The following THADA variants were observed in gnomAD, a reference collection of about 807,000 sequenced individuals.
The protein encoded by THADA is THADA armadillo repeat containing, also known as tRNA (32-2'-O)-methyltransferase regulator THADA.
A neutral mutation model predicts 219.8 loss-of-function variants in THADA; 213 were observed. The observed-to-expected ratio is 0.97, with a 90% CI of 0.87 to 1.09. The LOEUF (loss-of-function observed/expected upper bound fraction) is 1.09. THADA is among the 50% of genes least tolerant of loss of function. THADA has a pLI of 0.00. For missense variants in THADA, 2,956 were observed against 2,311.3 expected (o/e 1.28, Z -5.72); for synonymous variants, 1,018 against 828.9 (o/e 1.23, Z -3.92).
chr2:43,506,755 G>A (rs966880227), intron 23 of THADA, among the ~76,000 whole-genome samples: 4 of 152,134 alleles, frequency 2.6e-5, no homozygotes, highest in African/African-American at 9.7e-5. Flanking sequence ...GTTAAAAAAT[G>A]TCACTTTAGT....
At chr2:43,386,666 G>C (rs1340897161) in intron 29 of THADA, among the ~76,000 whole-genome samples, 4 of 152,114 alleles carry the variant, frequency 2.6e-5, no homozygotes, top group Non-Finnish European at 5.9e-5. Flanking sequence ...GGCTGAGACG[G>C]GTAGATTACC....
chr2:43,480,446 A>G (rs1005145363), intron 26 of THADA, among the ~76,000 whole-genome samples: 1 of 152,178 alleles, frequency 6.6e-6, no homozygotes, highest in African/African-American at 2.4e-5. Flanking sequence ...CCCAGTAACT[A>G]GCAGAGGGCC....
chr2:43,466,910 C>T (rs1012036892), intron 26 of THADA, among the ~76,000 whole-genome samples: 3 of 149,806 alleles, frequency 2.0e-5, no homozygotes, highest in African/African-American at 7.4e-5. Flanking sequence ...GGGCCGGGCA[C>T]GGTGGCTCAC....
chr2:43,448,607 T>C (rs1681896416), intron 26 of THADA, among the ~76,000 whole-genome samples: 1 of 150,478 alleles, frequency 6.6e-6, no homozygotes, highest in African/African-American at 2.4e-5. Context: ...CATTTTTCTC[T>C]TTTCCCACTT....
At chr2:43,402,133 C>T in intron 28 of THADA, among the ~76,000 whole-genome samples, 1 of 152,152 alleles carries the variant, frequency 6.6e-6, no homozygotes, top group East Asian at 1.9e-4. Flanking sequence ...CCTCCTGCTG[C>T]TCCTTTGCAT....
In THADA at chr2:43,293,230, G is replaced by C; in HGVS notation, c.4439-17C>G. On this transcript the variant is annotated splice_polypyrimidine_tract_variant and intron_variant, in intron 31 of 37. Coordinates refer to ENST00000405975, the MANE Select transcript of THADA (RefSeq NM_022065.5). ...TCTCCAGAACTAAGAAGCAAAAAAA[G>C]CAAAAGGGAAAGAGATAATCACTTT... 1 of 1,585,316 alleles carries C rather than the reference G, an allele frequency of 6.3e-7. No individual in the cohort carries two copies. The highest frequency in any genetic ancestry group is 8.6e-7 in the Non-Finnish European group (1 of 1,165,972).
chr2:43,237,915 C>T (rs1306519547), intron 36 of THADA, among the ~76,000 whole-genome samples: 46 of 149,728 alleles, frequency 3.1e-4, no homozygotes, highest in South Asian at 6.3e-4. Context: ...GTCAGGAGTT[C>T]GAGACCAGCC....
chr2:43,309,939 G>T (rs1677298192), intron 31 of THADA, among the ~76,000 whole-genome samples: 1 of 152,094 alleles, frequency 6.6e-6, no homozygotes, highest in African/African-American at 2.4e-5. Context: ...ATCCACAAAT[G>T]AAATTAAGAA....
At chr2:43,477,384 T>C (rs559399322) in intron 26 of THADA, among the ~76,000 whole-genome samples, 11 of 152,350 alleles carry the variant, frequency 7.2e-5, no homozygotes, top group Admixed American at 6.5e-4. Context: ...AAACCTGTCA[T>C]TATTTAATTC....
intron 28 of THADA, among the ~76,000 whole-genome samples, chr2:43,406,155 T>C (rs993702446): frequency 7.2e-5 from 11 of 152,206 alleles, no homozygotes; most frequent in Non-Finnish European, 1.5e-5. Context: ...CAACCTGACG[T>C]GGCAGAAACA....
At chr2:43,588,903 C>G (rs1347167987) in intron 4 of THADA, among the ~76,000 whole-genome samples, 1 of 151,858 alleles carries the variant, frequency 6.6e-6, no homozygotes, top group Non-Finnish European at 1.5e-5. Flanking sequence ...TACTTTATAC[C>G]ATGTAATATA....
intron 22 of THADA, among the ~76,000 whole-genome samples, chr2:43,513,311 T>C (rs1690734098): frequency 6.6e-6 from 1 of 152,138 alleles, no homozygotes; most frequent in Non-Finnish European, 1.5e-5. Flanking sequence ...GTTAACAATA[T>C]GCAAAATATA....
At chr2:43,252,926 T>A (rs1218345763) in intron 36 of THADA, among the ~76,000 whole-genome samples, 1 of 152,246 alleles carries the variant, frequency 6.6e-6, no homozygotes, top group African/African-American at 2.4e-5. Context: ...TGGTGACTCC[T>A]AACTGATCCT....
intron 36 of THADA, among the ~76,000 whole-genome samples, chr2:43,246,098 G>C (rs923978933): frequency 1.3e-5 from 2 of 151,892 alleles, no homozygotes; most frequent in African/African-American, 4.8e-5. Context: ...CCACCTCCCA[G>C]CCTTATCTAG....
At chr2:43,575,923 T>C (rs2104042233) in intron 10 of THADA, among the ~76,000 whole-genome samples, 1 of 152,186 alleles carries the variant, frequency 6.6e-6, no homozygotes. Context: ...TATTCTAAAG[T>C]TGTTTGAATT....
In THADA at chr2:43,515,751, A is replaced by G. The variant is rs575706503; in HGVS notation, c.3375-6971T>C. Among the ~76,000 whole-genome samples the G allele has an allele frequency of 1.7e-3, 262 of 152,198 alleles. 1 individual carries two copies. Among genetic ancestry groups the G allele is most frequent in the African/African-American group, 6.0e-3 (251 of 41,546 alleles). Reference sequence around the variant, plus strand: ...TGTATACCCCGTTAAAGTACATTCAAAAGCATAGGTAAGAAAAAGACAATC... The same window carrying G: ...TGTATACCCCGTTAAAGTACATTCAGAAGCATAGGTAAGAAAAAGACAATC... On this transcript the variant is annotated intron_variant, in intron 22 of 37. Transcript: ENST00000405975.
At chr2:43,429,100 T>C (rs1008680547) in intron 27 of THADA, among the ~76,000 whole-genome samples, 1 of 133,192 alleles carries the variant, frequency 7.5e-6, no homozygotes, top group African/African-American at 2.7e-5. Context: ...CTTCAGAATG[T>C]GTGTGTGTTT....
chr2:43,580,008 G>A (rs887310567), intron 8 of THADA, among the ~76,000 whole-genome samples: 13 of 147,980 alleles, frequency 8.8e-5, no homozygotes, highest in South Asian at 2.1e-4. Flanking sequence ...TCAACTTTTC[G>A]GAAAAAAAGC....
intron 11 of THADA, among the ~76,000 whole-genome samples, chr2:43,573,859 T>C (rs897409546): frequency 7.2e-5 from 11 of 152,202 alleles, no homozygotes; most frequent in Non-Finnish European, 1.5e-4. Context: ...TTTACCCCTA[T>C]TCTAAATAAC....
Sources: gnomAD v4.1 joint callset for allele counts (sites outside exome capture counted in the v4.1 genomes callset) on GRCh38, gnomAD v4.1.1 for gene constraint, MANE v1.5 for transcripts, NCBI Gene and HGNC (gene_info 2026-07-23, HGNC 2026-07-21) for gene names.